The following PRKCE variants were observed in gnomAD, a reference collection of about 807,000 sequenced individuals.
PRKCE encodes protein kinase C epsilon.
In PRKCE, 16 loss-of-function variants were observed where a neutral mutation model predicts 85.4. The ratio of observed to expected loss-of-function variants is 0.19; its 90% CI spans 0.13 to 0.28. The LOEUF is 0.28. PRKCE is among the 10% of genes least tolerant of loss of function. PRKCE has a pLI of 1.00. For missense variants in PRKCE, 573 were observed against 975.2 expected (o/e 0.59, Z 5.49); for synonymous variants, 388 against 371.5 (o/e 1.04, Z -0.51).
At position 45,680,963 on chromosome 2, in the gene PRKCE, T is replaced by A. The variant is rs1311865834; in HGVS notation, c.348+28515T>A. On this transcript the variant is annotated intron_variant, in intron 1 of 14. Transcript: ENST00000306156. Reference sequence around the variant, plus strand: ...TTAGAGATTTAAAACTCTAGTAACTTATGTATTATAATCTATACATGTCAT... The same window carrying A: ...TTAGAGATTTAAAACTCTAGTAACTAATGTATTATAATCTATACATGTCAT... Among the ~76,000 whole-genome samples, 3 of 152,198 alleles carry A rather than the reference T, an allele frequency of 2.0e-5. No homozygotes were observed. The East Asian group carries it at 5.8e-4, about 29-fold the overall frequency.
chr2:45,935,067 T>TCTCTCACACACACACACA (rs34264556), intron 2 of PRKCE, among the ~76,000 whole-genome samples: 5 of 146,248 alleles, frequency 3.4e-5, no homozygotes, highest in African/African-American at 1.0e-4. Flanking sequence ...ACTCTCTCTC[T>TCTCTCACACACACACACA]CACACACACA....
At chr2:45,918,200 C>T (rs1319730886) in intron 2 of PRKCE, among the ~76,000 whole-genome samples, 3 of 152,136 alleles carry the variant, frequency 2.0e-5, no homozygotes, top group Non-Finnish European at 1.5e-5. Flanking sequence ...CGAGAGCGAG[C>T]GAGGGCTGTG....
intron 2 of PRKCE, among the ~76,000 whole-genome samples, chr2:45,948,856 A>G (rs1558873285): frequency 6.6e-6 from 1 of 152,236 alleles, no homozygotes; most frequent in Non-Finnish European, 1.5e-5. Flanking sequence ...TATAAATGGT[A>G]TACTGTACAC....
intron 14 of PRKCE, among the ~76,000 whole-genome samples, chr2:46,174,466 T>A (rs1304451674): frequency 6.6e-6 from 1 of 152,154 alleles, no homozygotes; most frequent in Non-Finnish European, 1.5e-5. Context: ...AAAAGAGATG[T>A]AAGTGAAAAT....
chr2:45,908,880 C>T (rs1000310334), intron 2 of PRKCE, among the ~76,000 whole-genome samples: 1 of 152,104 alleles, frequency 6.6e-6, no homozygotes, highest in Admixed American at 6.6e-5. Flanking sequence ...CAGATTCATA[C>T]CCCTCTCCTT....
intron 10 of PRKCE, 167 bp downstream of exon 10, chr2:46,010,684 G>A (rs2104799346): frequency 3.1e-6 from 5 of 1,598,484 alleles, no homozygotes; most frequent in Non-Finnish European, 4.2e-6. Context: ...TCTTTTTTAG[G>A]GCACAGGATT....
intron 1 of PRKCE, chr2:45,685,676 C>A (rs1677242015): frequency 6.6e-6 from 1 of 152,154 alleles, no homozygotes; most frequent in African/African-American, 2.4e-5. Flanking sequence ...TGCCCGTAGT[C>A]TCTTGACTGT....
intron 1 of PRKCE, among the ~76,000 whole-genome samples, chr2:45,730,257 A>C (rs1681451851): frequency 6.6e-6 from 1 of 151,770 alleles, no homozygotes; most frequent in Non-Finnish European, 1.5e-5. Flanking sequence ...GGCTCAAACA[A>C]CCCTCCCATC....
rs1352076325 is a variant in PRKCE at position 46,031,596 on chromosome 2, G to A, written c.1437+21079G>A. On this transcript the variant is annotated intron_variant, in intron 10 of 14. Coordinates refer to ENST00000306156, the MANE Select transcript of PRKCE (RefSeq NM_005400.3). The stretch of plus-strand genomic sequence containing the variant: ...CTACCCCTTTACATTCTGCTCGTGT[G>A]TGTGTGTGTGTGTGTGTGTGTGTGT... Among the ~76,000 whole-genome samples, 163 of 30,498 alleles carry A rather than the reference G, an allele frequency of 5.3e-3. 2 individuals are homozygous for A. In the South Asian group the frequency reaches 0.071, roughly 13 times the overall value. 20.0% of individuals were successfully genotyped at this position (30,498 alleles called of 152,430 possible).
At chr2:46,170,367 T>C (rs1364664732) in intron 14 of PRKCE, among the ~76,000 whole-genome samples, 2 of 152,214 alleles carry the variant, frequency 1.3e-5, no homozygotes, top group Non-Finnish European at 2.9e-5. Flanking sequence ...ATTTTAACTT[T>C]AGTACGGAAA....
At chr2:46,013,458 G>A (rs929100114) in intron 10 of PRKCE, among the ~76,000 whole-genome samples, 3 of 152,194 alleles carry the variant, frequency 2.0e-5, no homozygotes, top group Non-Finnish European at 4.4e-5. Context: ...TCTTCCCTAC[G>A]ATCTAGTGGA....
intron 14 of PRKCE, among the ~76,000 whole-genome samples, chr2:46,169,685 C>T (rs570414026): frequency 6.6e-6 from 1 of 152,314 alleles, no homozygotes; most frequent in Non-Finnish European, 1.5e-5. Flanking sequence ...TAGCCGCACT[C>T]CGTCCCCCCT....
chr2:46,132,484 A>G (rs1056481360), intron 11 of PRKCE, among the ~76,000 whole-genome samples: 1 of 152,184 alleles, frequency 6.6e-6, no homozygotes, highest in East Asian at 1.9e-4. Context: ...GATGTCCATC[A>G]CATGGAGAAA....
At chr2:45,660,343 T>C (rs1675582004) in intron 1 of PRKCE, among the ~76,000 whole-genome samples, 1 of 152,186 alleles carries the variant, frequency 6.6e-6, no homozygotes, top group Non-Finnish European at 1.5e-5. Context: ...GAGAATGCTA[T>C]ATTATTTCCA....
rs1669575069 is a variant in PRKCE at position 46,085,762 on chromosome 2, T to TG, written c.1438-446_1438-445insG. On this transcript the variant is annotated intron_variant, in intron 10 of 14. Transcript: ENST00000306156. ...TTTTTTTTTTTTGTTTTTGTTTTTT[T>TG]TTTTTTTTTTAGCCATATAAGGTAA... is the stretch of plus-strand genomic sequence containing the variant. Among the ~76,000 whole-genome samples the TG allele has an allele frequency of 2.3e-5, 2 of 88,148 alleles. 1 individual carries two copies. The highest frequency in any genetic ancestry group is 1.6e-3 in the East Asian group (2 of 1,248). The allele number at this position is 88,148 out of a possible 152,430, so 57.8% of individuals were successfully genotyped here.
chr2:46,045,261 G>A (rs929659016), intron 10 of PRKCE, among the ~76,000 whole-genome samples: 5 of 152,220 alleles, frequency 3.3e-5, no homozygotes, highest in Admixed American at 6.5e-5. Flanking sequence ...ACCCTCATGT[G>A]TGAATAAGTT....
rs1440191950 is a variant in PRKCE at position 46,041,931 on chromosome 2, G to C, written c.1437+31414G>C. Reference sequence around the variant, plus strand: ...AATTCTTTTCAGAGGTTAGCTTTTAGTTATCAAAATGGGTGATGTCTATAT... The same window carrying C: ...AATTCTTTTCAGAGGTTAGCTTTTACTTATCAAAATGGGTGATGTCTATAT... On this transcript the variant is annotated intron_variant, in intron 10 of 14. Coordinates refer to ENST00000306156, the MANE Select transcript of PRKCE (RefSeq NM_005400.3). The surrounding 1 kb of genome is among the most constrained non-coding windows in gnomAD (Gnocchi z 5.5). 6.6e-6 allele frequency among the ~76,000 whole-genome samples: 1 copy of C among 152,116 alleles called. No individual in the cohort carries two copies. The highest frequency in any genetic ancestry group is 1.5e-5 in the Non-Finnish European group (1 of 68,012).
chr2:45,912,350 A>T (rs934884565), intron 2 of PRKCE, among the ~76,000 whole-genome samples: 1 of 152,166 alleles, frequency 6.6e-6, no homozygotes, highest in African/African-American at 2.4e-5. Flanking sequence ...GGGCCTGGGC[A>T]CTGCCCTGGT....
intron 1 of PRKCE, among the ~76,000 whole-genome samples, chr2:45,665,556 T>G (rs184270180): frequency 2.6e-4 from 39 of 152,160 alleles, no homozygotes; most frequent in Admixed American, 6.5e-4. Context: ...AAAAAAAAGT[T>G]TCTCTTTGGT....
Sources: allele counts gnomAD v4.1 joint callset (sites outside exome capture counted in the v4.1 genomes callset), GRCh38; gene constraint gnomAD v4.1.1; non-coding constraint Gnocchi (gnomAD v3.1); transcripts MANE v1.5; gene names NCBI Gene and HGNC (gene_info 2026-07-23, HGNC 2026-07-21).